Variants in MLLT1 observed in about 807,000 individuals in gnomAD.
MLLT1 encodes the protein MLLT1 super elongation complex subunit.
In MLLT1, 11 loss-of-function variants were observed where a neutral mutation model predicts 55.1. That is an observed-to-expected ratio of 0.20 (90% CI 0.13 to 0.33). The LOEUF is 0.33. MLLT1 is among the 10% of genes least tolerant of loss of function. The pLI is 1.00. For synonymous variants in MLLT1, 323 were observed against 320.1 expected (o/e 1.01, Z -0.10); for missense variants, 536 against 760.6 (o/e 0.70, Z 3.47).
Position 6,227,683 on chromosome 19 carries a change from G to A in MLLT1, c.421-581C>T, listed in dbSNP as rs558678596. ...CTGTGCCTACTGGGGGGGTCTCTCT[G>A]CAAAGCAGGCCCGAGTGAGCCAGCG... On this transcript the variant is annotated intron_variant, in intron 4 of 11. Coordinates refer to ENST00000252674, the MANE Select transcript of MLLT1 (RefSeq NM_005934.4). The surrounding 1 kb of genome is among the most constrained non-coding windows in gnomAD (Gnocchi z 5.1). Among the ~76,000 whole-genome samples, 3 of 152,202 alleles carry A rather than the reference G, an allele frequency of 2.0e-5. No homozygotes were observed. Among genetic ancestry groups the A allele is most frequent in the Non-Finnish European group, 4.4e-5 (3 of 68,038 alleles).
intron 3 of MLLT1, among the ~76,000 whole-genome samples, chr19:6,239,668 A>T (rs1379091433): frequency 6.6e-6 from 1 of 151,578 alleles, no homozygotes; most frequent in Non-Finnish European, 1.5e-5. Context: ...CTCATCCCTC[A>T]CCTACCTGTG....
intron 3 of MLLT1, among the ~76,000 whole-genome samples, chr19:6,237,566 G>A (rs1336169328): frequency 1.3e-5 from 2 of 149,056 alleles, no homozygotes; most frequent in African/African-American, 5.0e-5. Flanking sequence ...GACCATCCTG[G>A]CTAACACAGT....
Position 6,212,959 on chromosome 19 carries a change from G to T in MLLT1, c.*83C>A, listed in dbSNP as rs2090795364. ...GTCGCTAAGGCAGTGCTGCGGGCAG[G>T]CGAGACGGGAGAGGAGGGCAGGCGA... is the stretch of plus-strand genomic sequence containing the variant. On this transcript the variant is annotated 3_prime_UTR_variant, in exon 12 of 12. Coordinates refer to ENST00000252674, the MANE Select transcript of MLLT1 (RefSeq NM_005934.4). 3.2e-6 allele frequency: 5 copies of T among 1,542,254 alleles called. No homozygotes were observed. Among genetic ancestry groups the T allele is most frequent in the South Asian group, 1.2e-5 (1 of 84,238 alleles).
At position 6,219,705 on chromosome 19, in the gene MLLT1, C is replaced by A. The variant is rs995768976; in HGVS notation, c.1111-1664G>T. ...TGGAGAAGTATCCAAGGTCCTGGCC[C>A]CATATCCCATGCACTTTCTCACTAA... On this transcript the variant is annotated intron_variant, in intron 6 of 11. Transcript: ENST00000252674. This position sits in a 1 kb window ranked among gnomAD's most constrained non-coding sequence, Gnocchi z 4.5. Among the ~76,000 whole-genome samples, 5 of 152,184 alleles carry A rather than the reference C, an allele frequency of 3.3e-5. No homozygotes were observed. The highest frequency in any genetic ancestry group is 2.6e-4 in the Admixed American group (4 of 15,286).
chr19:6,222,884 A>G lies in MLLT1; in HGVS notation c.547-200T>C, dbSNP rs951038149. On this transcript the variant is annotated intron_variant, in intron 5 of 11. Coordinates refer to ENST00000252674, the MANE Select transcript of MLLT1 (RefSeq NM_005934.4). This position sits in a 1 kb window ranked among gnomAD's most constrained non-coding sequence, Gnocchi z 4.1. ...GAGCTGTCCCTTTAAACTACTAGGA[A>G]GTGTCAGCTGGTCCCCGGCAGCTGC... Among the ~76,000 whole-genome samples, 1 of 152,218 alleles carries G rather than the reference A, an allele frequency of 6.6e-6. No homozygotes were observed. The highest frequency in any genetic ancestry group is 2.4e-5 in the African/African-American group (1 of 41,448).
chr19:6,260,937 T>G (rs1273459004), intron 3 of MLLT1, among the ~76,000 whole-genome samples: 1 of 152,244 alleles, frequency 6.6e-6, no homozygotes, highest in East Asian at 1.9e-4. Context: ...GAGTTTAAAC[T>G]GCCCATACAG....
chr19:6,214,063 CA>C, intron 8 of MLLT1, 25 bp from the exon 9 acceptor site: 1 of 1,368,158 alleles, frequency 7.3e-7, no homozygotes, highest in Non-Finnish European at 9.5e-7. Context: ...GGGGGCGCAT[CA>C]GGCCCCTGCC....
At position 6,210,851 on chromosome 19, in the gene MLLT1, G is replaced by A. The variant is rs886842423; in HGVS notation, c.*2191C>T. 1.3e-5 allele frequency: 3 copies of A among 230,132 alleles called. No homozygotes were observed. The highest frequency in any genetic ancestry group is 2.6e-5 in the Non-Finnish European group (3 of 116,160). The allele number at this position is 230,132 out of a possible 1,614,324, so 14.3% of individuals were successfully genotyped here. A position where few individuals can be genotyped will look rare whatever the true frequency, so the allele number is the denominator to read the frequency against. ...ATGCTGCCCAGCACGTCCATCAGGT[G>A]GTCACGGAGCCAGCCCTGGGCCCAG... On this transcript the variant is annotated 3_prime_UTR_variant, in exon 12 of 12. Transcript: ENST00000252674. The surrounding 1 kb of genome is among the most constrained non-coding windows in gnomAD (Gnocchi z 4.6).
chr19:6,235,672 C>G lies in MLLT1; in HGVS notation c.277-4959G>C. On this transcript the variant is annotated intron_variant, in intron 3 of 11. Coordinates refer to ENST00000252674, the MANE Select transcript of MLLT1 (RefSeq NM_005934.4). This position sits in a 1 kb window ranked among gnomAD's most constrained non-coding sequence, Gnocchi z 5.5. ...TTCTCCCAAGCTCCTCAGCCAGCCC[C>G]TCTCTCCTGGACCACCTGCCTCCTA... Among the ~76,000 whole-genome samples, 1 of 152,178 alleles carries G rather than the reference C, an allele frequency of 6.6e-6. No homozygotes were observed. Among genetic ancestry groups the G allele is most frequent in the South Asian group, 2.1e-4 (1 of 4,832 alleles).
chr19:6,212,399 C>T lies in MLLT1; in HGVS notation c.*643G>A. 1 of 1,066,302 alleles carries T rather than the reference C, an allele frequency of 9.4e-7. No individual in the cohort carries two copies. The highest frequency in any genetic ancestry group is 4.5e-5 in the South Asian group (1 of 21,994). The allele number at this position is 1,066,302 out of a possible 1,614,324, so 66.1% of individuals were successfully genotyped here. On this transcript the variant is annotated 3_prime_UTR_variant, in exon 12 of 12. Transcript: ENST00000252674. ...CAGAGACATCTTAACCTACAAGCCC[C>T]ACCGTACGCACCCCCCACCCACCCC... is the stretch of plus-strand genomic sequence containing the variant.
chr19:6,243,808 C>A (rs993172425), intron 3 of MLLT1, among the ~76,000 whole-genome samples: 2 of 152,108 alleles, frequency 1.3e-5, no homozygotes, highest in African/African-American at 4.8e-5. Flanking sequence ...CTTTGGGAGA[C>A]CGAGGCAGGT....
chr19:6,213,030 C>T lies in MLLT1; in HGVS notation c.*12G>A, dbSNP rs538172906. 29 of 1,611,896 alleles carry T rather than the reference C, an allele frequency of 1.8e-5. No homozygotes were observed. The highest frequency in any genetic ancestry group is 6.7e-5 in the East Asian group (3 of 44,828). On this transcript the variant is annotated 3_prime_UTR_variant, in exon 12 of 12. Coordinates refer to ENST00000252674, the MANE Select transcript of MLLT1 (RefSeq NM_005934.4). ...GGACCCCGGCGGTGGGGGCCCGGCA[C>T]GCGGCCCAGGGTCATGTGGCCACGG...
At chr19:6,251,642 G>C (rs943689143) in intron 3 of MLLT1, among the ~76,000 whole-genome samples, 2 of 152,102 alleles carry the variant, frequency 1.3e-5, no homozygotes, top group African/African-American at 4.8e-5. Flanking sequence ...AATACCTAGA[G>C]GACCTGGCAC....
chr19:6,254,972 TCAA>T (rs2091246627), intron 3 of MLLT1, among the ~76,000 whole-genome samples: 4 of 112,286 alleles, frequency 3.6e-5, no homozygotes, highest in Admixed American at 3.3e-4. Flanking sequence ...AAAAAAAAAA[TCAA>T]CAAAAGAAAA....
At chr19:6,272,411 C>G (rs1475920432) in intron 1 of MLLT1, among the ~76,000 whole-genome samples, 1 of 152,204 alleles carries the variant, frequency 6.6e-6, no homozygotes. Flanking sequence ...CTCTTCATCT[C>G]TTCTAGTGCC....
Position 6,211,297 on chromosome 19 carries a change from C to G in MLLT1, c.*1745G>C. The G allele has an allele frequency of 4.3e-6, 1 of 232,776 alleles. No individual in the cohort carries two copies. The highest frequency in any genetic ancestry group is 8.5e-6 in the Non-Finnish European group (1 of 117,568). The allele number at this position is 232,776 out of a possible 1,614,324, so 14.4% of individuals were successfully genotyped here. A position where few individuals can be genotyped will look rare whatever the true frequency, so the allele number is the denominator to read the frequency against. Reference sequence around the variant, plus strand: ...ACAGGGGCCTGCCCTCTTCCTGATACCTGAAGGCAGTGGGGCCGGGAGAGA... The same window carrying G: ...ACAGGGGCCTGCCCTCTTCCTGATAGCTGAAGGCAGTGGGGCCGGGAGAGA... On this transcript the variant is annotated 3_prime_UTR_variant, in exon 12 of 12. Coordinates refer to ENST00000252674, the MANE Select transcript of MLLT1 (RefSeq NM_005934.4). This position sits in a 1 kb window ranked among gnomAD's most constrained non-coding sequence, Gnocchi z 4.6.
rs149306496 is a variant in MLLT1, at chr19:6,227,894, T to C, written c.421-792A>G. On this transcript the variant is annotated intron_variant, in intron 4 of 11. Coordinates refer to ENST00000252674, the MANE Select transcript of MLLT1 (RefSeq NM_005934.4). This position sits in a 1 kb window ranked among gnomAD's most constrained non-coding sequence, Gnocchi z 5.1. ...CCACCACAGAGAAAAGCCTCCCAGA[T>C]GGCCGCAAGAGAGAACAAAAGAAGA... Among the ~76,000 whole-genome samples, 630 of 151,760 alleles carry C rather than the reference T, an allele frequency of 4.2e-3. 2 individuals are homozygous for C. The highest frequency in any genetic ancestry group is 7.9e-3 in the Non-Finnish European group (539 of 67,858).
At position 6,212,452 on chromosome 19, in the gene MLLT1, A is replaced by G. The variant is rs1239703138; in HGVS notation, c.*590T>C. The G allele has an allele frequency of 9.4e-6, 10 of 1,066,164 alleles. No individual in the cohort carries two copies. The highest frequency in any genetic ancestry group is 1.1e-5 in the Non-Finnish European group (10 of 879,914). The allele number at this position is 1,066,164 out of a possible 1,614,324, so 66.0% of individuals were successfully genotyped here. A position where few individuals can be genotyped will look rare whatever the true frequency, so the allele number is the denominator to read the frequency against. ...GTGCACTGCTGCCACAGAAACGCAC[A>G]TGGACACTGCTCTTGACCAGACAGT... On this transcript the variant is annotated 3_prime_UTR_variant, in exon 12 of 12. Coordinates refer to ENST00000252674, the MANE Select transcript of MLLT1 (RefSeq NM_005934.4).
At chr19:6,242,371 A>G (rs989673066) in intron 3 of MLLT1, among the ~76,000 whole-genome samples, 1 of 152,220 alleles carries the variant, frequency 6.6e-6, no homozygotes, top group Non-Finnish European at 1.5e-5. Flanking sequence ...CTATGAGGCC[A>G]GTGCGGTTTA....
Sources: allele counts gnomAD v4.1 joint callset (sites outside exome capture counted in the v4.1 genomes callset), GRCh38; gene constraint gnomAD v4.1.1; non-coding constraint Gnocchi (gnomAD v3.1); transcripts MANE v1.5; gene names NCBI Gene and HGNC (gene_info 2026-07-23, HGNC 2026-07-21).